Variants in NEGR1 observed in about 807,000 individuals in gnomAD.
The protein encoded by NEGR1 is IgLON family member 4.
Under a neutral mutation model 40.9 loss-of-function variants are expected in NEGR1, and 10 were observed. The observed-to-expected ratio is 0.24, with a 90% CI of 0.15 to 0.42. The LOEUF (loss-of-function observed/expected upper bound fraction) is 0.42. Among genes scored for constraint, NEGR1 ranks in the 10% least tolerant of loss-of-function variants. The probability of loss-of-function intolerance (pLI) is 1.00; values close to 1 mark genes in which losing one functional copy is unlikely to be tolerated. For missense variants in NEGR1, 352 were observed against 438.9 expected (o/e 0.80, Z 1.77); for synonymous variants, 185 against 166.8 (o/e 1.11, Z -0.84).
At chr1:71,467,667 G>C (rs541373776) in intron 6 of NEGR1, among the ~76,000 whole-genome samples, 1 of 151,768 alleles carries the variant, frequency 6.6e-6, no homozygotes, top group Non-Finnish European at 1.5e-5. Context: ...TTTCAACTGA[G>C]GATGAAACAT....
chr1:71,996,798 T>C (rs183371935), intron 1 of NEGR1, among the ~76,000 whole-genome samples: 68 of 152,240 alleles, frequency 4.5e-4, no homozygotes, highest in African/African-American at 1.6e-3. Flanking sequence ...TACACACCTT[T>C]CACTTTTTAC....
chr1:71,435,034 T>G (rs953306033), intron 6 of NEGR1, among the ~76,000 whole-genome samples: 2 of 151,640 alleles, frequency 1.3e-5, no homozygotes, highest in African/African-American at 4.9e-5. Flanking sequence ...GAGCTTGCAG[T>G]GAGCCGAGAT....
chr1:72,263,933 A>G (rs1452697836), intron 1 of NEGR1, among the ~76,000 whole-genome samples: 1 of 151,456 alleles, frequency 6.6e-6, no homozygotes, highest in African/African-American at 2.4e-5. Context: ...AGATGTTTCC[A>G]TCATTTATGT....
At chr1:71,997,726 T>G (rs1646517591) in intron 1 of NEGR1, among the ~76,000 whole-genome samples, 1 of 152,006 alleles carries the variant, frequency 6.6e-6, no homozygotes, top group Non-Finnish European at 1.5e-5. Context: ...ATTCATATTT[T>G]AATAACCTGT....
intron 1 of NEGR1, among the ~76,000 whole-genome samples, chr1:72,031,270 G>A (rs1363504155): frequency 1.3e-5 from 2 of 152,178 alleles, no homozygotes; most frequent in Non-Finnish European, 2.9e-5. Flanking sequence ...TTCAGTTTCT[G>A]TGGAACTACT....
At chr1:72,196,987 C>T (rs925730053) in intron 1 of NEGR1, among the ~76,000 whole-genome samples, 1 of 151,786 alleles carries the variant, frequency 6.6e-6, no homozygotes, top group Non-Finnish European at 1.5e-5. Context: ...GACAACTAAT[C>T]AGGTTGTCCA....
intron 1 of NEGR1, among the ~76,000 whole-genome samples, chr1:72,123,516 A>G (rs1649886836): frequency 6.6e-6 from 1 of 151,802 alleles, no homozygotes; most frequent in Admixed American, 6.6e-5. Context: ...ATTTGCCTTT[A>G]TGGCAAATGG....
intron 2 of NEGR1, among the ~76,000 whole-genome samples, chr1:71,793,215 C>T (rs1657179568): frequency 2.1e-4 from 1 of 4,710 alleles, no homozygotes; most frequent in African/African-American, 8.1e-4. Context: ...GAATCTTGCT[C>T]TGTCGCCCAG....
chr1:72,271,648 C>T (rs930515199), intron 1 of NEGR1, among the ~76,000 whole-genome samples: 5 of 151,800 alleles, frequency 3.3e-5, no homozygotes, highest in African/African-American at 7.3e-5. Flanking sequence ...AACTTCAATA[C>T]GTACAGTGTA....
intron 4 of NEGR1, among the ~76,000 whole-genome samples, chr1:71,695,051 C>T (rs1330458652): frequency 6.6e-6 from 1 of 151,700 alleles, no homozygotes; most frequent in Non-Finnish European, 1.5e-5. Context: ...GGCTAATTTC[C>T]TCTGGAAAAT....
chr1:71,980,359 A>G (rs188148166), intron 1 of NEGR1, among the ~76,000 whole-genome samples: 1 of 152,314 alleles, frequency 6.6e-6, no homozygotes, highest in East Asian at 1.9e-4. Flanking sequence ...GCATTGTGGT[A>G]TATTCAACAA....
intron 2 of NEGR1, among the ~76,000 whole-genome samples, chr1:71,813,516 T>G (rs1449980064): frequency 6.6e-6 from 1 of 152,080 alleles, no homozygotes; most frequent in Non-Finnish European, 1.5e-5. Flanking sequence ...CTATAAATTC[T>G]TTTGGAAACT....
At chr1:71,555,373 G>C (rs1300124400) in intron 6 of NEGR1, among the ~76,000 whole-genome samples, 1 of 151,534 alleles carries the variant, frequency 6.6e-6, no homozygotes, top group Non-Finnish European at 1.5e-5. Flanking sequence ...CTGCCCACGT[G>C]CCATGTTACC....
intron 1 of NEGR1, among the ~76,000 whole-genome samples, chr1:71,945,619 TC>T (rs1180171761): frequency 3.9e-5 from 6 of 152,224 alleles, no homozygotes; most frequent in East Asian, 1.9e-4. Flanking sequence ...TTTTTATACT[TC>T]CCCATCTTAT....
intron 2 of NEGR1, among the ~76,000 whole-genome samples, chr1:71,899,381 C>T (rs1661085746): frequency 6.6e-6 from 1 of 151,790 alleles, no homozygotes; most frequent in Non-Finnish European, 1.5e-5. Context: ...GATGGGAAGG[C>T]AGATAGGAAG....
At chr1:72,194,224 T>C (rs569632107) in intron 1 of NEGR1, among the ~76,000 whole-genome samples, 1 of 151,806 alleles carries the variant, frequency 6.6e-6, no homozygotes, top group Non-Finnish European at 1.5e-5. Flanking sequence ...TGATAATATA[T>C]ATTATATAAT....
At chr1:71,911,104 A>G (rs962619274) in intron 2 of NEGR1, among the ~76,000 whole-genome samples, 3 of 152,202 alleles carry the variant, frequency 2.0e-5, no homozygotes, top group African/African-American at 7.2e-5. Flanking sequence ...TATTGAAATC[A>G]CTGTCTAGAT....
At chr1:71,940,028 CA>C (rs1416713970) in intron 1 of NEGR1, among the ~76,000 whole-genome samples, 3 of 152,066 alleles carry the variant, frequency 2.0e-5, no homozygotes, top group African/African-American at 7.2e-5. Flanking sequence ...AGCAGCAAGT[CA>C]GGGGGACTAC....
At chr1:71,431,793 G>A (rs1646471275) in intron 6 of NEGR1, among the ~76,000 whole-genome samples, 1 of 152,130 alleles carries the variant, frequency 6.6e-6, no homozygotes. Flanking sequence ...GGAGGGTAGG[G>A]TATTCTTTTA....
Sources: allele counts gnomAD v4.1 joint callset (sites outside exome capture counted in the v4.1 genomes callset), GRCh38; gene constraint gnomAD v4.1.1; transcripts MANE v1.5; gene names NCBI Gene and HGNC (gene_info 2026-07-23, HGNC 2026-07-21).